Variants in HCRTR2 observed in about 807,000 individuals in gnomAD.
HCRTR2 encodes hypocretin receptor 2.
In HCRTR2, 22 loss-of-function variants were observed where a neutral mutation model predicts 49.0. That is an observed-to-expected ratio of 0.45 (90% CI 0.32 to 0.64). The LOEUF (loss-of-function observed/expected upper bound fraction) is 0.64. Ranked by LOEUF, HCRTR2 falls within the 30% of genes least tolerant of loss-of-function variation. HCRTR2 has a pLI of 0.04. For synonymous variants in HCRTR2, 236 were observed against 205.3 expected (o/e 1.15, Z -1.28); for missense variants, 491 against 559.4 (o/e 0.88, Z 1.23).
intron 3 of HCRTR2, 130 bp downstream of exon 3, chr6:55,255,509 A>T: frequency 1.9e-6 from 2 of 1,039,058 alleles, no homozygotes; most frequent in South Asian, 2.6e-5. Context: ...TTGCAAGAGC[A>T]TGAAAACCAA....
chr6:55,195,855 C>A (rs904485618), intron 1 of HCRTR2, among the ~76,000 whole-genome samples: 3 of 152,062 alleles, frequency 2.0e-5, no homozygotes, highest in Non-Finnish European at 4.4e-5. Context: ...GTAGTCCCAG[C>A]TACTGGGGAG....
At chr6:55,126,998 G>T (rs1192085361) in intron 1 of HCRTR2, among the ~76,000 whole-genome samples, 1 of 152,120 alleles carries the variant, frequency 6.6e-6, no homozygotes, top group African/African-American at 2.4e-5. Context: ...ATCTTAGTTT[G>T]CTGGGCCCTA....
chr6:55,276,503 C>A (rs890308025), intron 4 of HCRTR2, among the ~76,000 whole-genome samples: 3 of 152,070 alleles, frequency 2.0e-5, no homozygotes, highest in African/African-American at 7.2e-5. Flanking sequence ...GCTAAGGTGG[C>A]CTTTTCTTGT....
intron 1 of HCRTR2, among the ~76,000 whole-genome samples, chr6:55,159,297 CAAAAA>C: frequency 6.6e-6 from 1 of 151,690 alleles, no homozygotes; most frequent in African/African-American, 2.4e-5. Context: ...AAAACAAAAA[CAAAAA>C]CAGCACATCC....
At chr6:55,162,323 C>T (rs545453185) in intron 1 of HCRTR2, among the ~76,000 whole-genome samples, 1 of 152,196 alleles carries the variant, frequency 6.6e-6, no homozygotes, top group East Asian at 1.9e-4. Flanking sequence ...AGCTAGGTAT[C>T]GATGCAATGT....
chr6:55,182,687 T>C (rs912372481), intron 1 of HCRTR2, among the ~76,000 whole-genome samples: 1 of 152,208 alleles, frequency 6.6e-6, no homozygotes, highest in Non-Finnish European at 1.5e-5. Flanking sequence ...AGCTATGTCA[T>C]AATAAATTTT....
chr6:55,255,082 T>A (rs901200943), intron 2 of HCRTR2, 54 bp from the exon 3 acceptor site: 1 of 1,594,532 alleles, frequency 6.3e-7, no homozygotes, highest in African/African-American at 1.3e-5. Context: ...ATATTAAGAG[T>A]AATTCTTTTA....
intron 1 of HCRTR2, among the ~76,000 whole-genome samples, chr6:55,224,090 T>G (rs974130710): frequency 6.6e-6 from 1 of 152,236 alleles, no homozygotes; most frequent in African/African-American, 2.4e-5. Flanking sequence ...TTCTTTAGTC[T>G]TAATTTAAAT....
chr6:55,226,507 C>T (rs1020665826), intron 1 of HCRTR2, among the ~76,000 whole-genome samples: 1 of 151,742 alleles, frequency 6.6e-6, no homozygotes, highest in Non-Finnish European at 1.5e-5. Flanking sequence ...TGGGGTTTCA[C>T]CATGTTGGCC....
chr6:55,108,826 G>T (rs570031809), intron 1 of HCRTR2, among the ~76,000 whole-genome samples: 3 of 152,114 alleles, frequency 2.0e-5, no homozygotes, highest in South Asian at 2.1e-4. Context: ...GAACTGGGGG[G>T]TTGGGGTGAA....
At chr6:55,178,782 A>G (rs1360912641) in intron 1 of HCRTR2, among the ~76,000 whole-genome samples, 2 of 152,176 alleles carry the variant, frequency 1.3e-5, no homozygotes, top group Admixed American at 6.5e-5. Context: ...ATTGCTTAAC[A>G]TTGCCTTCTT....
chr6:55,190,930 G>C (rs1765304721), intron 1 of HCRTR2, among the ~76,000 whole-genome samples: 1 of 152,126 alleles, frequency 6.6e-6, no homozygotes, highest in South Asian at 2.1e-4. Context: ...GTAACCTCCT[G>C]TTATATTTGA....
intron 1 of HCRTR2, among the ~76,000 whole-genome samples, chr6:55,242,348 CAAT>C (rs1581851547): frequency 6.6e-6 from 1 of 151,148 alleles, no homozygotes; most frequent in East Asian, 1.9e-4. Flanking sequence ...ACTCATGGAA[CAAT>C]AATGTCTCCT....
intron 4 of HCRTR2, among the ~76,000 whole-genome samples, chr6:55,264,277 C>T (rs1323104597): frequency 6.6e-6 from 1 of 151,906 alleles, no homozygotes; most frequent in East Asian, 1.9e-4. Context: ...TCTCCAACTT[C>T]AAAGATCTTA....
rs1326321552 is a variant in HCRTR2 at position 55,252,061 on chromosome 6, A to C, written c.403-3075A>C. On this transcript the variant is annotated intron_variant, in intron 2 of 6. Transcript: ENST00000370862. ...TAAAATGCAATTTTACATCACCTCC[A>C]AGAAAATCTTATACATTGCACATAA... 2.0e-5 allele frequency among the ~76,000 whole-genome samples: 3 copies of C among 152,276 alleles called. No homozygotes were observed. The East Asian group carries it at 5.8e-4, about 29-fold the overall frequency.
At chr6:55,137,465 T>G (rs1032097384) in intron 1 of HCRTR2, among the ~76,000 whole-genome samples, 2 of 152,126 alleles carry the variant, frequency 1.3e-5, no homozygotes, top group African/African-American at 2.4e-5. Flanking sequence ...GTTAATTAAT[T>G]AAATTTTTTC....
Position 55,256,798 on chromosome 6 carries a change from T to C in HCRTR2, c.646+1419T>C, listed in dbSNP as rs149745344. Among the ~76,000 whole-genome samples the C allele has an allele frequency of 4.6e-4, 70 of 152,246 alleles. No homozygotes were observed. The East Asian group carries it at 0.013, about 29-fold the overall frequency. On this transcript the variant is annotated intron_variant, in intron 3 of 6. Coordinates refer to ENST00000370862, the MANE Select transcript of HCRTR2 (RefSeq NM_001384272.1). ...CAAACACCACCTTGAGAACTTAGTA[T>C]ATGTCAGGCATTGTGCCCACCTGGA...
At chr6:55,192,255 C>T (rs1014292342) in intron 1 of HCRTR2, among the ~76,000 whole-genome samples, 15 of 151,964 alleles carry the variant, frequency 9.9e-5, no homozygotes, top group African/African-American at 3.4e-4. Context: ...TTGGCTTTTG[C>T]TAAGAAAGTA....
At chr6:55,270,877 T>C (rs1766960728) in intron 4 of HCRTR2, among the ~76,000 whole-genome samples, 1 of 152,156 alleles carries the variant, frequency 6.6e-6, no homozygotes, top group Admixed American at 6.5e-5. Flanking sequence ...AATTACAAAA[T>C]ATCATTGAAA....
Sources: allele counts gnomAD v4.1 joint callset (sites outside exome capture counted in the v4.1 genomes callset), GRCh38; gene constraint gnomAD v4.1.1; transcripts MANE v1.5; gene names NCBI Gene and HGNC (gene_info 2026-07-23, HGNC 2026-07-21).